The following JMJD6 variants were observed in gnomAD, a reference collection of about 807,000 sequenced individuals.
JMJD6 encodes the protein bifunctional arginine demethylase and lysyl-hydroxylase JMJD6.
A neutral mutation model predicts 45.8 loss-of-function variants in JMJD6; 17 were observed. That is an observed-to-expected ratio of 0.37 (90% confidence interval 0.25 to 0.56). The LOEUF (loss-of-function observed/expected upper bound fraction) is 0.56, where lower values mean the gene tolerates loss of function less well. Among genes scored for constraint, JMJD6 ranks in the 20% least tolerant of loss-of-function variants. The pLI, the probability that JMJD6 is intolerant of heterozygous loss-of-function variation, is 0.79. For synonymous variants in JMJD6, 221 were observed against 196.3 expected, an observed-to-expected ratio of 1.13 and a Z score of -1.05; for missense variants, 470 against 517.5, an observed-to-expected ratio of 0.91 and a Z score of 0.89.
At chr17:76,722,949 A>ATT (rs111664445) in intron 3 of JMJD6, among the ~76,000 whole-genome samples, 2 of 145,640 alleles carry the variant, frequency 1.4e-5, no homozygotes, top group Admixed American at 6.9e-5. Context: ...TTTACATACA[A>ATT]TTTTTTTTTT....
At chr17:76,720,619 G>A (rs572428036) in intron 4 of JMJD6, 121 bp from the exon 5 acceptor site, 118 of 907,656 alleles carry the variant, frequency 1.3e-4, no homozygotes, top group Non-Finnish European at 2.0e-4. Flanking sequence ...TGTCCGTTCA[G>A]AATGGATACT....
At chr17:76,718,356 G>C (rs2076783234), downstream of JMJD6, 4 of 877,092 alleles carry the variant, frequency 4.6e-6, no homozygotes, top group South Asian at 1.9e-4. Flanking sequence ...GGTCAAGGAT[G>C]CACAGCAGGA....
intron 4 of JMJD6, chr17:76,721,314 G>T: frequency 2.2e-6 from 1 of 452,084 alleles, no homozygotes; most frequent in Non-Finnish European, 4.5e-6. Flanking sequence ...GCACGGGGTG[G>T]CTGTGGGTGG....
At chr17:76,724,475 G>C (rs1419789252) in intron 2 of JMJD6, among the ~76,000 whole-genome samples, 2 of 152,002 alleles carry the variant, frequency 1.3e-5, no homozygotes, top group Non-Finnish European at 2.9e-5. Context: ...TATAAATTCT[G>C]GTACACAGAA....
At chr17:76,720,645 C>A (rs1359640516) in intron 4 of JMJD6, 147 bp from the exon 5 acceptor site, 3 of 702,568 alleles carry the variant, frequency 4.3e-6, no homozygotes, top group Non-Finnish European at 7.2e-6. Context: ...ATGGTGAGGA[C>A]AAAACCCCAG....
Position 76,725,564 on chromosome 17 carries a change from G to T in JMJD6, c.421C>A (p.Pro141Thr), listed in dbSNP as rs1488933804. ...TCTTCCAAAAGTTTCCTTCTTTTAG[G>T]GTGTTCACCATAGCTGCTGTCAAAG... ...YIFDSSYGEH[P>T]KRRKLLEDYK... is the part of the protein sequence containing the mutation. Residue 141 changes from proline to threonine, a missense_variant, in exon 2 of 6, where the codon CCT becomes ACT. This residue lies in a region of JMJD6 where 346 missense variants were observed against 339.5 expected (regional missense o/e 1.02). Coordinates refer to ENST00000397625, the MANE Select transcript of JMJD6 (RefSeq NM_015167.3). The T allele has an allele frequency of 1.2e-6, 2 of 1,614,042 alleles. No homozygotes were observed. Among genetic ancestry groups the T allele is most frequent in the Non-Finnish European group, 1.7e-6 (2 of 1,180,008 alleles).
rs377176647 is a variant in JMJD6 at position 76,725,777 on chromosome 17, C to G, written c.208G>C (p.Val70Leu). The G allele has an allele frequency of 6.2e-7, 1 of 1,614,046 alleles. No individual in the cohort carries two copies. Among genetic ancestry groups the G allele is most frequent in the African/African-American group, 1.3e-5 (1 of 75,010 alleles). The change falls in exon 2 of 6, where the codon GTG becomes CTG. Residue 70 changes from valine (V) to leucine (L), a missense_variant. Physicochemically the swap from Val to Leu is conservative, Grantham distance 32. Transcript: ENST00000397625. The stretch of plus-strand genomic sequence containing the variant: ...CCCTCTTGCGCATTCAACAAAACCA[C>G]GGGCTTGTAAGGTCTTTCATACCGC... ...VERYERPYKP[V>L]VLLNAQEGWS...
intron 4 of JMJD6, chr17:76,721,212 C>T (rs2076820102): frequency 1.5e-5 from 5 of 325,322 alleles, no homozygotes; most frequent in South Asian, 6.6e-5. Context: ...CCCTTACTGG[C>T]CCTCTCAGCA....
chr17:76,721,726 C>G, intron 4 of JMJD6, 72 bp downstream of exon 4: 1 of 1,486,348 alleles, frequency 6.7e-7, no homozygotes, highest in Non-Finnish European at 9.3e-7. Flanking sequence ...ATCATCGCAG[C>G]AGTGGACTAG....
Position 76,719,926 on chromosome 17 carries a change from A to G in JMJD6, c.1080+434T>C, listed in dbSNP as rs868770461. ...CACCTGAAGTCAGGAGTTCGAGACC[A>G]GCCTGGTCAACACAGTGAAGCCCTA... On this transcript the variant is annotated intron_variant, in intron 5 of 5. Transcript: ENST00000397625. Among the ~76,000 whole-genome samples the G allele has an allele frequency of 7.9e-5, 12 of 152,328 alleles. No homozygotes were observed. The Middle Eastern group carries it at 0.037, about 475-fold the overall frequency.
At chr17:76,720,626 T>C in intron 4 of JMJD6, 128 bp from the exon 5 acceptor site, 1 of 852,180 alleles carries the variant, frequency 1.2e-6, no homozygotes, top group African/African-American at 1.7e-5. Flanking sequence ...TCAGAATGGA[T>C]ACTGTACAAT....
Position 76,718,853 on chromosome 17 carries a change from G to C in JMJD6, c.1088C>G (p.Ser363Cys), listed in dbSNP as rs759970238. The change falls in exon 6 of 6, where the codon TCT becomes TGT. Residue 363 changes from serine (S) to cysteine (C), a missense_variant. Around this residue, in one of 4 missense-constraint regions of JMJD6, gnomAD observed 45 missense variants for 37.2 expected, o/e 1.21. Transcript: ENST00000397625. ...CACTGTCCCATCGCCCTCGGATCCAGACTCGCACTGGACACAGGAGGACAG... is the reference window on the plus strand; with the variant it reads ...CACTGTCCCATCGCCCTCGGATCCACACTCGCACTGGACACAGGAGGACAG... ...SSSDSDSECE[S>C]GSEGDGTVHR... 72 of 1,613,846 alleles carry C rather than the reference G, an allele frequency of 4.5e-5. No homozygotes were observed. The highest frequency in any genetic ancestry group is 6.0e-5 in the Non-Finnish European group (71 of 1,179,920).
chr17:76,725,664 G>C lies in JMJD6; in HGVS notation c.321C>G (p.Gly107=). ...QKFKCGEDND[G]YSVKMKMKYY... The stretch of plus-strand genomic sequence containing the variant: ...ATTTCATCTTCATCTTCACTGAGTA[G>C]CCATCGTTATCCTCACCACACTTGA... Residue 107 remains glycine (G), a synonymous_variant, in exon 2 of 6, where the codon GGC becomes GGG. Coordinates refer to ENST00000397625, the MANE Select transcript of JMJD6 (RefSeq NM_015167.3). The C allele has an allele frequency of 6.2e-7, 1 of 1,614,016 alleles. No homozygotes were observed. Among genetic ancestry groups the C allele is most frequent in the South Asian group, 1.1e-5 (1 of 91,082 alleles).
At chr17:76,718,194 C>CA (rs982269962), downstream of JMJD6, among the ~76,000 whole-genome samples, 43 of 143,440 alleles carry the variant, frequency 3.0e-4, no homozygotes, top group African/African-American at 1.0e-3. Context: ...TTTGACAAAT[C>CA]AGAGTTTTCT....
intron 5 of JMJD6, among the ~76,000 whole-genome samples, chr17:76,719,218 G>A (rs950464595): frequency 1.3e-5 from 2 of 152,170 alleles, no homozygotes; most frequent in Admixed American, 6.5e-5. Flanking sequence ...AGTAGGTATA[G>A]CACTGAACAT....
downstream of JMJD6, among the ~76,000 whole-genome samples, chr17:76,716,941 G>A (rs1194553360): frequency 6.6e-6 from 1 of 152,242 alleles, no homozygotes; most frequent in Non-Finnish European, 1.5e-5. Flanking sequence ...GGCAGGAAGA[G>A]TCTAAGTATG....
Position 76,725,723 on chromosome 17 carries a change from C to A in JMJD6, c.262G>T (p.Glu88Ter). The A allele has an allele frequency of 6.2e-7, 1 of 1,614,110 alleles. No individual in the cohort carries two copies. Among genetic ancestry groups the A allele is most frequent in the Non-Finnish European group, 8.5e-7 (1 of 1,180,032 alleles). ...GWSAQEKWTL[E>*]RLKRKYRNQK... Reference sequence around the variant, plus strand: ...TTCCGATATTTCCTTTTTAGGCGCTCCAGAGTCCATTTCTCCTGCGCAGAC... The same window carrying A: ...TTCCGATATTTCCTTTTTAGGCGCTACAGAGTCCATTTCTCCTGCGCAGAC... The change falls in exon 2 of 6, where the codon GAG becomes TAG. Residue 88 changes from glutamate (E) to a stop codon, truncating the protein, a stop_gained. Coordinates refer to ENST00000397625, the MANE Select transcript of JMJD6 (RefSeq NM_015167.3). LOFTEE classifies it high-confidence loss of function.
At chr17:76,716,363 C>G (rs1271217571), downstream of JMJD6, 3 of 297,082 alleles carry the variant, frequency 1.0e-5, no homozygotes, top group Non-Finnish European at 1.9e-5. Flanking sequence ...GTAACAGACA[C>G]AAGACGTTAC....
Position 76,718,505 on chromosome 17 carries a change from TCA to T in JMJD6, c.*222_*223del. Reference sequence around the variant, plus strand: ...ATGTAAAGGATTTTCTTGGCACTATTCACATTCTCTTGCCTGAGTAAAACAAG... The same window carrying T: ...ATGTAAAGGATTTTCTTGGCACTATTCATTCTCTTGCCTGAGTAAAACAAG... On this transcript the variant is annotated 3_prime_UTR_variant, in exon 6 of 6. Transcript: ENST00000397625. 7.4e-7 allele frequency: 1 copy of T among 1,347,742 alleles called. No homozygotes were observed. The highest frequency in any genetic ancestry group is 9.5e-7 in the Non-Finnish European group (1 of 1,053,682). The allele number at this position is 1,347,742 out of a possible 1,614,324, so 83.5% of individuals were successfully genotyped here.
Sources: allele counts gnomAD v4.1 joint callset (sites outside exome capture counted in the v4.1 genomes callset), GRCh38; gene constraint gnomAD v4.1.1; regional missense constraint gnomAD v4.1.1; transcripts MANE v1.5; gene names NCBI Gene and HGNC (gene_info 2026-07-23, HGNC 2026-07-21).